The following COL11A2 variants were observed in gnomAD, a reference collection of about 807,000 sequenced individuals.
COL11A2 encodes the protein collagen alpha-2(XI) chain.
A neutral mutation model predicts 273.4 loss-of-function variants in COL11A2; 116 were observed. The observed-to-expected ratio is 0.42, with a 90% CI of 0.36 to 0.49. The LOEUF is 0.49. COL11A2 is among the 20% of genes least tolerant of loss of function. The pLI, the probability that COL11A2 is intolerant of heterozygous loss-of-function variation, is 0.00. For missense variants in COL11A2, 1,866 were observed against 2,309.0 expected (o/e 0.81, Z 3.93); for synonymous variants, 782 against 864.2 (o/e 0.90, Z 1.67).
Position 33,170,455 on chromosome 6 carries a change from G to A in COL11A2, c.3529-76C>T. Reference sequence around the variant, plus strand: ...GCATGAATGGTGGAGAGAGGAGGAGGAGCAGCCAGGCCAGGGAGTTGGCAG... The same window carrying A: ...GCATGAATGGTGGAGAGAGGAGGAGAAGCAGCCAGGCCAGGGAGTTGGCAG... On this transcript the variant is annotated intron_variant, in intron 47 of 65. Coordinates refer to ENST00000341947, the MANE Select transcript of COL11A2 (RefSeq NM_080680.3). The surrounding 1 kb of genome is among the most constrained non-coding windows in gnomAD (Gnocchi z 4.3). The A allele has an allele frequency of 1.3e-6, 2 of 1,573,242 alleles. No individual in the cohort carries two copies. The highest frequency in any genetic ancestry group is 1.7e-6 in the Non-Finnish European group (2 of 1,148,408).
Position 33,192,457 on chromosome 6 carries a change from C to A in COL11A2, c.-217G>T. On this transcript the variant is annotated 5_prime_UTR_variant, in exon 1 of 66. Coordinates refer to ENST00000341947, the MANE Select transcript of COL11A2 (RefSeq NM_080680.3). ...GCACTGCTCCCTCCTCGGTGGCTGCCGCTTCTGTGTGTCCCCGGCCACCCT... is the reference window on the plus strand; with the variant it reads ...GCACTGCTCCCTCCTCGGTGGCTGCAGCTTCTGTGTGTCCCCGGCCACCCT... The A allele has an allele frequency of 1.7e-6, 1 of 592,082 alleles. No homozygotes were observed. The highest frequency in any genetic ancestry group is 3.0e-6 in the Non-Finnish European group (1 of 332,282). 36.7% of individuals were successfully genotyped at this position (592,082 alleles called of 1,614,324 possible). A position where few individuals can be genotyped will look rare whatever the true frequency, so the allele number is the denominator to read the frequency against.
In COL11A2 at chr6:33,165,454, CAACACCTTCACCA is replaced by C; in HGVS notation, c.4750+82_4750+94del. Reference sequence around the variant, plus strand: ...AGCCCCTCAGCCCTCACCCTTAACCCAACACCTTCACCAAGACTCCCCCAGCATCCATTCTGCT... The same window carrying C: ...AGCCCCTCAGCCCTCACCCTTAACCCAGACTCCCCCAGCATCCATTCTGCT... On this transcript the variant is annotated intron_variant, in intron 63 of 65. Transcript: ENST00000341947. The surrounding 1 kb of genome is among the most constrained non-coding windows in gnomAD (Gnocchi z 7.7). 1 of 1,581,954 alleles carries C rather than the reference CAACACCTTCACCA, an allele frequency of 6.3e-7. No homozygotes were observed. Among genetic ancestry groups the C allele is most frequent in the Non-Finnish European group, 8.6e-7 (1 of 1,165,028 alleles).
Position 33,176,615 on chromosome 6 carries a change from T to A in COL11A2, c.2115+106A>T. ...GGTTACGGGGCACAGGAATTGAGAA[T>A]GTGGCAGAGCCATATGAATAATGAG... On this transcript the variant is annotated intron_variant, in intron 26 of 65. Coordinates refer to ENST00000341947, the MANE Select transcript of COL11A2 (RefSeq NM_080680.3). This position sits in a 1 kb window ranked among gnomAD's most constrained non-coding sequence, Gnocchi z 4.9. 7.2e-7 allele frequency: 1 copy of A among 1,394,846 alleles called. No homozygotes were observed. The highest frequency in any genetic ancestry group is 1.0e-6 in the Non-Finnish European group (1 of 992,646). The allele number at this position is 1,394,846 out of a possible 1,614,324, so 86.4% of individuals were successfully genotyped here.
Position 33,170,204 on chromosome 6 carries a change from A to C in COL11A2, c.3583-104T>G. 2 of 1,573,366 alleles carry C rather than the reference A, an allele frequency of 1.3e-6. No homozygotes were observed. Among genetic ancestry groups the C allele is most frequent in the Non-Finnish European group, 1.7e-6 (2 of 1,144,670 alleles). On this transcript the variant is annotated intron_variant, in intron 48 of 65. Coordinates refer to ENST00000341947, the MANE Select transcript of COL11A2 (RefSeq NM_080680.3). This position sits in a 1 kb window ranked among gnomAD's most constrained non-coding sequence, Gnocchi z 4.3. Reference sequence around the variant, plus strand: ...CAAGGTTACAGCAGTGAGGCAGTGGAGGCCTCCCGGGAGTAAGGGCTTCTC... The same window carrying C: ...CAAGGTTACAGCAGTGAGGCAGTGGCGGCCTCCCGGGAGTAAGGGCTTCTC...
Position 33,171,727 on chromosome 6 carries a change from C to T in COL11A2, c.3136G>A (p.Glu1046Lys). The part of the protein sequence containing the change: ...GPQGPPGAAG[E>K]KGVPGEKGPI... ...CCCACACTCACTGGGACACCTTTCTCTCCTGCTGCTCCAGGGGGACCCTGC... is the reference window on the plus strand; with the variant it reads ...CCCACACTCACTGGGACACCTTTCTTTCCTGCTGCTCCAGGGGGACCCTGC... Residue 1046 changes from glutamate to lysine, a missense_variant, in exon 42 of 66, where the codon GAG (glutamate) becomes AAG (lysine). Physicochemically the swap from Glu to Lys is moderately conservative, Grantham distance 56. Coordinates refer to ENST00000341947, the MANE Select transcript of COL11A2 (RefSeq NM_080680.3). The T allele has an allele frequency of 6.2e-7, 1 of 1,612,930 alleles. No homozygotes were observed. The highest frequency in any genetic ancestry group is 1.3e-5 in the African/African-American group (1 of 75,032).
Position 33,174,208 on chromosome 6 carries a change from C to G in COL11A2, c.2441G>C (p.Gly814Ala), listed in dbSNP as rs1411320640. 1.9e-6 allele frequency: 3 copies of G among 1,569,772 alleles called. No homozygotes were observed. Among genetic ancestry groups the G allele is most frequent in the Non-Finnish European group, 2.6e-6 (3 of 1,157,078 alleles). The change falls in exon 32 of 66, where the codon GGA becomes GCA. Residue 814 changes from glycine to alanine, a missense_variant. Gly to Ala is a moderately conservative substitution (Grantham distance 60). Transcript: ENST00000341947. ...ACTGGCACCAGGAAAGCCAGGAAATCCTAGGGACCCCTGGTGAGAACGGAG... is the reference window on the plus strand; with the variant it reads ...ACTGGCACCAGGAAAGCCAGGAAATGCTAGGGACCCCTGGTGAGAACGGAG... ...PGRQGPKGSL[G>A]FPGFPGASGE...
In COL11A2 at chr6:33,177,263, GGGTCTCT is replaced by G. The variant is rs775355823; in HGVS notation, c.1972-45_1972-39del. 1.2e-6 allele frequency: 2 copies of G among 1,612,478 alleles called. No individual in the cohort carries two copies. Among genetic ancestry groups the G allele is most frequent in the South Asian group, 2.2e-5 (2 of 91,064 alleles). On this transcript the variant is annotated intron_variant, in intron 23 of 65. Coordinates refer to ENST00000341947, the MANE Select transcript of COL11A2 (RefSeq NM_080680.3). The surrounding 1 kb of genome is among the most constrained non-coding windows in gnomAD (Gnocchi z 5.9). ...AAAGAGAAGTCACAGGGGCCTCCCA[GGGTCTCT>G]TCTATCCAGCCTCCCGGATTCAAAG...
rs770100834 is a variant in COL11A2, at chr6:33,165,579, G to A, written c.4720C>T (p.Leu1574=). 23 of 1,613,372 alleles carry A rather than the reference G, an allele frequency of 1.4e-5. No homozygotes were observed. Among genetic ancestry groups the A allele is most frequent in the Non-Finnish European group, 1.9e-5 (23 of 1,180,030 alleles). Residue 1574 remains leucine, a synonymous_variant, in exon 63 of 66, where the codon CTG becomes TTG. Transcript: ENST00000341947. This position sits in a 1 kb window ranked among gnomAD's most constrained non-coding sequence, Gnocchi z 7.7. ...QDSPARTCQD[L]KLCHPELPDG... ...GGAAGCTCTGGGTGGCACAGCTTCA[G>A]GTCCTGGCAGGTGCGAGCAGGGCTG...
chr6:33,174,403 G>A, intron 31 of COL11A2, 124 bp downstream of exon 31: 1 of 1,397,394 alleles, frequency 7.2e-7, no homozygotes, highest in Non-Finnish European at 9.9e-7. Flanking sequence ...TGTAAAATGG[G>A]GGTCAGCTAA....
Position 33,179,541 on chromosome 6 carries a change from C to T in COL11A2, c.1447-54G>A, listed in dbSNP as rs1771435634. On this transcript the variant is annotated intron_variant, in intron 13 of 65. Coordinates refer to ENST00000341947, the MANE Select transcript of COL11A2 (RefSeq NM_080680.3). This position sits in a 1 kb window ranked among gnomAD's most constrained non-coding sequence, Gnocchi z 6.4. ...AGGGACAGGCAGTGGGAACCCCCAG[C>T]CCCAGCACTCTCCAAATTCACCCTT... 2 of 1,496,512 alleles carry T rather than the reference C, an allele frequency of 1.3e-6. No individual in the cohort carries two copies. Among genetic ancestry groups the T allele is most frequent in the South Asian group, 1.2e-5 (1 of 83,168 alleles). 92.7% of individuals were successfully genotyped at this position (1,496,512 alleles called of 1,614,324 possible). A position where few individuals can be genotyped will look rare whatever the true frequency, so the allele number is the denominator to read the frequency against.
rs377014042 is a variant in COL11A2 at position 33,178,422 on chromosome 6, C to G, written c.1773+13G>C. ...CCCCTGCACCCAGCCCCTACATTTG[C>G]CACTACACTTACCCTCTCTCCATCC... On this transcript the variant is annotated intron_variant, in intron 19 of 65. Coordinates refer to ENST00000341947, the MANE Select transcript of COL11A2 (RefSeq NM_080680.3). The surrounding 1 kb of genome is among the most constrained non-coding windows in gnomAD (Gnocchi z 4.6). The G allele has an allele frequency of 3.1e-6, 5 of 1,612,942 alleles. No homozygotes were observed. The highest frequency in any genetic ancestry group is 4.2e-6 in the Non-Finnish European group (5 of 1,179,968).
At chr6:33,188,313 A>G (rs765326154) in intron 4 of COL11A2, 49 bp downstream of exon 4, 1 of 1,610,576 alleles carries the variant, frequency 6.2e-7, no homozygotes, top group Non-Finnish European at 8.5e-7. Flanking sequence ...GGTAGTGGGC[A>G]CAAGATAGGG....
intron 43 of COL11A2, 71 bp downstream of exon 43, chr6:33,171,396 C>T: frequency 6.2e-7 from 1 of 1,606,884 alleles, no homozygotes; most frequent in Non-Finnish European, 8.5e-7. Context: ...ATGACAGGGG[C>T]CAGGGGTCAT....
chr6:33,174,198 G>A lies in COL11A2; in HGVS notation c.2451C>T (p.Gly817=). 6.3e-7 allele frequency: 1 copy of A among 1,577,234 alleles called. No individual in the cohort carries two copies. Among genetic ancestry groups the A allele is most frequent in the South Asian group, 1.2e-5 (1 of 86,630 alleles). The change falls in exon 32 of 66, where the codon GGC becomes GGT. Residue 817 remains glycine, a synonymous_variant. Transcript: ENST00000341947. ...CCTTCTCTCCACTGGCACCAGGAAA[G>A]CCAGGAAATCCTAGGGACCCCTGGT... ...QGPKGSLGFP[G]FPGASGEKGA... is the part of the protein sequence containing the mutation.
chr6:33,172,446 C>G, intron 39 of COL11A2, 68 bp from the exon 40 acceptor site: 4 of 1,553,000 alleles, frequency 2.6e-6, no homozygotes, highest in Middle Eastern at 1.7e-4. Context: ...TCTCCAGCCC[C>G]CCCTCAAATC....
Position 33,176,608 on chromosome 6 carries a change from T to C in COL11A2, c.2115+113A>G, listed in dbSNP as rs1372467942. On this transcript the variant is annotated intron_variant, in intron 26 of 65. Coordinates refer to ENST00000341947, the MANE Select transcript of COL11A2 (RefSeq NM_080680.3). The surrounding 1 kb of genome is among the most constrained non-coding windows in gnomAD (Gnocchi z 4.9). ...TGGGTAGGGTTACGGGGCACAGGAA[T>C]TGAGAATGTGGCAGAGCCATATGAA... The C allele has an allele frequency of 1.3e-5, 18 of 1,392,704 alleles. No individual in the cohort carries two copies. Among genetic ancestry groups the C allele is most frequent in the Non-Finnish European group, 1.8e-5 (18 of 990,346 alleles). 86.3% of individuals were successfully genotyped at this position (1,392,704 alleles called of 1,614,324 possible). A position where few individuals can be genotyped will look rare whatever the true frequency, so the allele number is the denominator to read the frequency against.
chr6:33,168,965 C>G lies in COL11A2; in HGVS notation c.3842G>C (p.Gly1281Ala). ...FPGDPGPPGE[G>A]GPRGQDGAKG... ...CTGAGTAAGACTCACCCGAGGGCCA[C>G]CTTCTCCAGGGGGGCCAGGGTCACC... The change falls in exon 52 of 66, where the codon GGT becomes GCT. Residue 1281 changes from glycine (G) to alanine (A), a missense_variant. By Grantham distance (60) the Gly-to-Ala change is moderately conservative. Coordinates refer to ENST00000341947, the MANE Select transcript of COL11A2 (RefSeq NM_080680.3). 1 of 1,609,552 alleles carries G rather than the reference C, an allele frequency of 6.2e-7. No individual in the cohort carries two copies. The highest frequency in any genetic ancestry group is 8.5e-7 in the Non-Finnish European group (1 of 1,178,348).
rs539178444 is a variant in COL11A2 at position 33,172,494 on chromosome 6, C to T, written c.2898+36G>A. 29 of 1,597,164 alleles carry T rather than the reference C, an allele frequency of 1.8e-5. No individual in the cohort carries two copies. The East Asian group carries it at 5.1e-4, about 28-fold the overall frequency. Reference sequence around the variant, plus strand: ...TTCCTTTCAGCACCCCAATCCCCAGCTCCCCCACTTCCCCTCTGCCTGGCC... The same window carrying T: ...TTCCTTTCAGCACCCCAATCCCCAGTTCCCCCACTTCCCCTCTGCCTGGCC... On this transcript the variant is annotated intron_variant, in intron 39 of 65. Transcript: ENST00000341947.
chr6:33,172,997 GAA>G, intron 38 of COL11A2, 61 bp downstream of exon 38: 1 of 1,554,978 alleles, frequency 6.4e-7, no homozygotes, highest in South Asian at 1.1e-5. Context: ...GTGACCGAGA[GAA>G]GAGGGGCAGA....
Sources: gnomAD v4.1 joint callset for allele counts on GRCh38, gnomAD v4.1.1 for gene constraint, Gnocchi (gnomAD v3.1) non-coding constraint, MANE v1.5 for transcripts, NCBI Gene and HGNC (gene_info 2026-07-23, HGNC 2026-07-21) for gene names.